EFR3A: variants seen among roughly 807,000 people sequenced by gnomAD.
EFR3A encodes EFR3 homolog A.
A neutral mutation model predicts 104.4 loss-of-function variants in EFR3A; 76 were observed. The ratio of observed to expected loss-of-function variants is 0.73; its 90% CI spans 0.60 to 0.88. The LOEUF is 0.88. Among genes scored for constraint, EFR3A ranks in the 40% least tolerant of loss-of-function variants. The pLI, the probability that EFR3A is intolerant of heterozygous loss-of-function variation, is 0.00. For missense variants in EFR3A, 985 were observed against 1,012.5 expected (o/e 0.97, Z 0.37); for synonymous variants, 330 against 330.0 (o/e 1.00, Z 0.00).
At chr8:131,973,048 C>G (rs1164281109) in intron 10 of EFR3A, among the ~76,000 whole-genome samples, 1 of 148,128 alleles carries the variant, frequency 6.8e-6, no homozygotes, top group African/African-American at 2.5e-5. Flanking sequence ...ACCTCTGTTT[C>G]ATCTAGTTGC....
At chr8:131,970,703 A>T in intron 10 of EFR3A, 60 bp downstream of exon 10, 1 of 1,494,662 alleles carries the variant, frequency 6.7e-7, no homozygotes. Flanking sequence ...AAGCTCTCAC[A>T]TAAGGTCCTG....
At position 131,904,319 on chromosome 8, in the gene EFR3A, A is replaced by G; in HGVS notation, c.7A>G (p.Thr3Ala). Residue 3 changes from threonine to alanine, a missense_variant, in exon 1 of 23, where the codon ACC (threonine) becomes GCC (alanine). Physicochemically the swap from Thr to Ala is moderately conservative, Grantham distance 58 (BLOSUM62 0). Coordinates refer to ENST00000254624, the MANE Select transcript of EFR3A (RefSeq NM_015137.6). ...GAGCGCGGTCGAGATCGCCATGCCT[A>G]CCCGTGAGTGGCCGGCCGAGGGCCG... Reference protein sequence around the residue: MPTRVCCCCSALR... With the variant: MPARVCCCCSALR... 1.6e-6 allele frequency: 2 copies of G among 1,257,206 alleles called. No homozygotes were observed. The highest frequency in any genetic ancestry group is 1.0e-6 in the Non-Finnish European group (1 of 1,000,150). 77.9% of individuals were successfully genotyped at this position (1,257,206 alleles called of 1,614,324 possible). A position where few individuals can be genotyped will look rare whatever the true frequency, so the allele number is the denominator to read the frequency against.
rs550817600 is a variant in EFR3A, at chr8:131,917,339, G to T, written c.10+13017G>T. Among the ~76,000 whole-genome samples the T allele has an allele frequency of 2.0e-5, 3 of 152,276 alleles. No homozygotes were observed. The East Asian group carries it at 5.8e-4, about 29-fold the overall frequency. Reference sequence around the variant, plus strand: ...TTCCTCCCCGTCGATTGGTTTCTCGGCATCTACTTGGTATGACACAGTAAA... The same window carrying T: ...TTCCTCCCCGTCGATTGGTTTCTCGTCATCTACTTGGTATGACACAGTAAA... On this transcript the variant is annotated intron_variant, in intron 1 of 22. Transcript: ENST00000254624.
At chr8:131,950,987 A>G (rs1207918470) in intron 5 of EFR3A, among the ~76,000 whole-genome samples, 4 of 152,196 alleles carry the variant, frequency 2.6e-5, no homozygotes, top group Non-Finnish European at 4.4e-5. Context: ...GAGCATTACT[A>G]TCTACACCTA....
intron 4 of EFR3A, among the ~76,000 whole-genome samples, chr8:131,947,048 G>C (rs1006101069): frequency 6.6e-6 from 1 of 151,868 alleles, no homozygotes; most frequent in African/African-American, 2.4e-5. Context: ...TCATTCTCTT[G>C]GGTATATACT....
In EFR3A at chr8:131,955,801, T is replaced by A; in HGVS notation, c.672T>A (p.Thr224=). The change falls in exon 7 of 23, where the codon ACT becomes ACA. Residue 224 remains threonine (T), a synonymous_variant. Transcript: ENST00000254624. ...GCCCTCCTTCTTCTCCTTCTGCAAC[T>A]GACAAAGAAGAGAATCCTGCTGTGC... ...RIGPPSSPSA[T]DKEENPAVLA... is the part of the protein sequence containing the mutation. The A allele has an allele frequency of 1.2e-6, 2 of 1,613,328 alleles. No individual in the cohort carries two copies. Among genetic ancestry groups the A allele is most frequent in the Non-Finnish European group, 1.7e-6 (2 of 1,179,412 alleles).
intron 6 of EFR3A, among the ~76,000 whole-genome samples, chr8:131,955,463 A>G (rs1052617305): frequency 6.6e-6 from 1 of 152,140 alleles, no homozygotes; most frequent in African/African-American, 2.4e-5. Flanking sequence ...TCTTACTAAG[A>G]TTTTGCTATA....
chr8:131,954,486 A>G (rs1291344310), intron 6 of EFR3A, among the ~76,000 whole-genome samples: 2 of 151,952 alleles, frequency 1.3e-5, no homozygotes, highest in Non-Finnish European at 2.9e-5. Context: ...TTTAGGATAT[A>G]GGCTTATTTT....
chr8:131,967,689 A>G (rs142233162), intron 8 of EFR3A, among the ~76,000 whole-genome samples: 134 of 151,614 alleles, frequency 8.8e-4, no homozygotes, highest in African/African-American at 3.0e-3. Flanking sequence ...TTTATATGTG[A>G]TAAAGTTGCC....
At chr8:131,907,727 G>A (rs549430007) in intron 1 of EFR3A, among the ~76,000 whole-genome samples, 1 of 152,196 alleles carries the variant, frequency 6.6e-6, no homozygotes, top group Admixed American at 6.5e-5. Flanking sequence ...CATATTACTG[G>A]ATTATTAGCC....
chr8:131,979,204 A>G, intron 13 of EFR3A, 142 bp from the exon 14 acceptor site: 2 of 928,898 alleles, frequency 2.2e-6, no homozygotes, highest in Non-Finnish European at 3.2e-6. Flanking sequence ...GAGGGCACGT[A>G]TGTACTCTTC....
intron 1 of EFR3A, among the ~76,000 whole-genome samples, chr8:131,904,891 A>C (rs771965559): frequency 2.0e-4 from 31 of 152,312 alleles, no homozygotes; most frequent in Non-Finnish European, 4.6e-4. Context: ...ACCCGGGCAG[A>C]TGATTAAAAA....
Position 131,979,435 on chromosome 8 carries a change from T to TA in EFR3A, c.1575+21dup. Reference sequence around the variant, plus strand: ...TTCATGAAAAAGGTAAGACATCTTCTAAAAAAATAAATGTGTAGTGTAAAT... The same window carrying TA: ...TTCATGAAAAAGGTAAGACATCTTCTAAAAAAAATAAATGTGTAGTGTAAAT... On this transcript the variant is annotated intron_variant, in intron 14 of 22. Transcript: ENST00000254624. 6.7e-7 allele frequency: 1 copy of TA among 1,502,740 alleles called. No individual in the cohort carries two copies. The highest frequency in any genetic ancestry group is 9.1e-7 in the Non-Finnish European group (1 of 1,102,016). 93.1% of individuals were successfully genotyped at this position (1,502,740 alleles called of 1,614,324 possible).
intron 14 of EFR3A, 49 bp downstream of exon 14, chr8:131,979,470 T>G: frequency 3.0e-6 from 4 of 1,314,102 alleles, no homozygotes; most frequent in Non-Finnish European, 4.3e-6. Flanking sequence ...TTACAGCCGT[T>G]TGAATTGTTA....
At chr8:131,982,869 T>C (rs1265129638) in intron 14 of EFR3A, among the ~76,000 whole-genome samples, 4 of 152,068 alleles carry the variant, frequency 2.6e-5, no homozygotes, top group Non-Finnish European at 1.5e-5. Flanking sequence ...AAACTCTAGA[T>C]TCAGAAAGGT....
intron 4 of EFR3A, among the ~76,000 whole-genome samples, chr8:131,949,376 T>A (rs1017746229): frequency 2.0e-5 from 3 of 152,198 alleles, no homozygotes; most frequent in African/African-American, 7.2e-5. Context: ...GGATTCAATC[T>A]TAGGCCTTTC....
At position 131,904,247 on chromosome 8, in the gene EFR3A, G is replaced by T; in HGVS notation, c.-66G>T. 1 of 1,279,150 alleles carries T rather than the reference G, an allele frequency of 7.8e-7. No individual in the cohort carries two copies. The highest frequency in any genetic ancestry group is 2.5e-5 in the South Asian group (1 of 40,040). 79.2% of individuals were successfully genotyped at this position (1,279,150 alleles called of 1,614,324 possible). A position where few individuals can be genotyped will look rare whatever the true frequency, so the allele number is the denominator to read the frequency against. ...GCGGCCCAGCAACGGCCGTCATGGT[G>T]CCGTCGGCGCTCCCTGCGCGGCCCC... On this transcript the variant is annotated 5_prime_UTR_variant, in exon 1 of 23. Transcript: ENST00000254624.
intron 1 of EFR3A, among the ~76,000 whole-genome samples, chr8:131,934,641 G>GT (rs1817784973): frequency 6.6e-6 from 1 of 151,942 alleles, no homozygotes; most frequent in South Asian, 2.1e-4. Flanking sequence ...ATGTGTATGT[G>GT]TGTATATATA....
At chr8:132,004,963 A>C (rs1161365664) in intron 22 of EFR3A, among the ~76,000 whole-genome samples, 1 of 152,242 alleles carries the variant, frequency 6.6e-6, no homozygotes, top group Non-Finnish European at 1.5e-5. Flanking sequence ...ATTATAACTA[A>C]TTCTGTTTCA....
Sources: allele counts gnomAD v4.1 joint callset (sites outside exome capture counted in the v4.1 genomes callset), GRCh38; gene constraint gnomAD v4.1.1; transcripts MANE v1.5; gene names NCBI Gene and HGNC (gene_info 2026-07-23, HGNC 2026-07-21).